PTPRG: variants seen among roughly 807,000 people sequenced by gnomAD.
PTPRG encodes protein tyrosine phosphatase receptor type G.
In PTPRG, 102 loss-of-function variants were observed where a neutral mutation model predicts 165.3. That is an observed-to-expected ratio of 0.62 (90% CI 0.53 to 0.73). The LOEUF (loss-of-function observed/expected upper bound fraction) is 0.73, where lower values mean the gene tolerates loss of function less well. PTPRG is among the 30% of genes least tolerant of loss of function. PTPRG has a pLI of 0.00. For synonymous variants in PTPRG, 675 were observed against 669.5 expected (o/e 1.01, Z -0.13); for missense variants, 1,866 against 1,861.4 (o/e 1.00, Z -0.05).
intron 2 of PTPRG, among the ~76,000 whole-genome samples, chr3:61,789,741 A>G (rs1444870019): frequency 1.3e-5 from 2 of 152,204 alleles, no homozygotes; most frequent in Non-Finnish European, 2.9e-5. Flanking sequence ...GTGTTTGTAT[A>G]TGGTAATGGA....
chr3:61,884,227 C>G (rs1463815170), intron 2 of PTPRG, among the ~76,000 whole-genome samples: 2 of 152,086 alleles, frequency 1.3e-5, no homozygotes, highest in African/African-American at 4.8e-5. Flanking sequence ...TTATGTTACT[C>G]CAATCAAATG....
intron 5 of PTPRG, among the ~76,000 whole-genome samples, chr3:62,080,419 T>A (rs1188638596): frequency 2.0e-5 from 3 of 152,094 alleles, no homozygotes; most frequent in Non-Finnish European, 4.4e-5. Flanking sequence ...TTGGTAGAAC[T>A]GGGACCACAC....
At chr3:61,678,742 CTTA>C (rs959847749) in intron 1 of PTPRG, among the ~76,000 whole-genome samples, 5 of 152,266 alleles carry the variant, frequency 3.3e-5, no homozygotes, top group African/African-American at 1.2e-4. Context: ...CATTTTGATA[CTTA>C]TTATACAAAT....
At chr3:61,960,682 G>C (rs1307546466) in intron 2 of PTPRG, among the ~76,000 whole-genome samples, 3 of 152,014 alleles carry the variant, frequency 2.0e-5, no homozygotes, top group African/African-American at 7.2e-5. Flanking sequence ...AGTAGGTTAG[G>C]CAATTTTGTC....
At chr3:61,945,829 ACT>A (rs1275039358) in intron 2 of PTPRG, among the ~76,000 whole-genome samples, 2 of 152,148 alleles carry the variant, frequency 1.3e-5, no homozygotes, top group Non-Finnish European at 1.5e-5. Context: ...ACTGACAGTG[ACT>A]CTGAGAGGAG....
chr3:61,908,660 G>T (rs2107535408), intron 2 of PTPRG, among the ~76,000 whole-genome samples: 1 of 152,256 alleles, frequency 6.6e-6, no homozygotes, highest in South Asian at 2.1e-4. Flanking sequence ...CAGATAGAAA[G>T]AAAGCAAACA....
chr3:62,081,268 ACAAAC>A lies in PTPRG; in HGVS notation c.615+3011_615+3015del, dbSNP rs1559785996. The stretch of plus-strand genomic sequence containing the variant: ...TGAGACTCCGTCTCAAAACAAACAA[ACAAAC>A]AAACAAACAAACAAACAAACAAAAA... On this transcript the variant is annotated intron_variant, in intron 5 of 29. Transcript: ENST00000474889. Among the ~76,000 whole-genome samples the A allele has an allele frequency of 7.3e-5, 7 of 95,772 alleles. 2 individuals carry two copies. The highest frequency in any genetic ancestry group is 2.3e-4 in the African/African-American group (7 of 30,016). 62.8% of individuals were successfully genotyped at this position (95,772 alleles called of 152,430 possible).
chr3:62,226,545 T>G (rs1700767967), intron 13 of PTPRG, among the ~76,000 whole-genome samples: 1 of 152,266 alleles, frequency 6.6e-6, no homozygotes, highest in Admixed American at 6.5e-5. Context: ...GCTAGTTTTC[T>G]TGATATTAAA....
intron 1 of PTPRG, among the ~76,000 whole-genome samples, chr3:61,672,764 AGAGGGAGAGGGAGAGAGG>A (rs1703071969): frequency 8.4e-6 from 1 of 119,192 alleles, no homozygotes. Context: ...GAGAGGGAGA[AGAGGGAGAGGGAGAGAGG>A]GAGAGAGAGG....
chr3:62,249,708 C>A (rs1410047654), intron 15 of PTPRG, among the ~76,000 whole-genome samples: 1 of 152,164 alleles, frequency 6.6e-6, no homozygotes, highest in Non-Finnish European at 1.5e-5. Flanking sequence ...AGGTAAATGC[C>A]ATTAACAATT....
At chr3:61,853,329 C>T (rs2037018102) in intron 2 of PTPRG, among the ~76,000 whole-genome samples, 1 of 152,150 alleles carries the variant, frequency 6.6e-6, no homozygotes, top group South Asian at 2.1e-4. Flanking sequence ...TTGACGATGG[C>T]AGAGGTGACA....
intron 2 of PTPRG, among the ~76,000 whole-genome samples, chr3:61,942,208 T>C (rs1436068225): frequency 6.6e-6 from 1 of 151,626 alleles, no homozygotes; most frequent in Non-Finnish European, 1.5e-5. Context: ...AAACAGAAAT[T>C]GGCCATGGCC....
rs1358072568 is a variant in PTPRG, at chr3:61,934,095, GT to G, written c.191-55527del. On this transcript the variant is annotated intron_variant, in intron 2 of 29. Coordinates refer to ENST00000474889, the MANE Select transcript of PTPRG (RefSeq NM_002841.4). The stretch of plus-strand genomic sequence containing the variant: ...GGACATTTAGCTTGTTCTACAGGGT[GT>G]TTAGACTTTCAGTGGTGTGGGGATG... Among the ~76,000 whole-genome samples the G allele has an allele frequency of 2.0e-5, 3 of 152,324 alleles. No individual in the cohort carries two copies. The East Asian group carries it at 5.8e-4, about 29-fold the overall frequency.
rs141325345 is a variant in PTPRG, at chr3:61,702,167, C to T, written c.86-46711C>T. 1.0e-3 allele frequency among the ~76,000 whole-genome samples: 155 copies of T among 151,226 alleles called. 1 individual carries two copies. Among genetic ancestry groups the T allele is most frequent in the African/African-American group, 3.7e-3 (150 of 40,742 alleles). ...ATAATGTTTGTATTTTTAGGAGAGACAGGGTTTTGCCATGTTGGCCAGGCT... is the reference window on the plus strand; with the variant it reads ...ATAATGTTTGTATTTTTAGGAGAGATAGGGTTTTGCCATGTTGGCCAGGCT... On this transcript the variant is annotated intron_variant, in intron 1 of 29. Coordinates refer to ENST00000474889, the MANE Select transcript of PTPRG (RefSeq NM_002841.4).
At chr3:61,617,555 T>C (rs1701330963) in intron 1 of PTPRG, among the ~76,000 whole-genome samples, 1 of 152,230 alleles carries the variant, frequency 6.6e-6, no homozygotes, top group African/African-American at 2.4e-5. Context: ...TGATTAGCTA[T>C]ATAAAACCAA....
At chr3:61,566,383 C>G (rs1435285838) in intron 1 of PTPRG, among the ~76,000 whole-genome samples, 1 of 152,266 alleles carries the variant, frequency 6.6e-6, no homozygotes, top group Non-Finnish European at 1.5e-5. Context: ...AGAGTAGAAT[C>G]AGTTATACAC....
chr3:61,794,717 T>C lies in PTPRG; in HGVS notation c.190+45735T>C, dbSNP rs568977420. On this transcript the variant is annotated intron_variant, in intron 2 of 29. Transcript: ENST00000474889. The stretch of plus-strand genomic sequence containing the variant: ...TTGTGTATTCTGAAAAATGAGTAAA[T>C]TCATCAGGTTATAATGAAGATTTTC... Among the ~76,000 whole-genome samples, 5 of 152,332 alleles carry C rather than the reference T, an allele frequency of 3.3e-5. No homozygotes were observed. The East Asian group carries it at 9.6e-4, about 29-fold the overall frequency.
At chr3:61,640,850 C>A (rs2106952220) in intron 1 of PTPRG, among the ~76,000 whole-genome samples, 1 of 152,292 alleles carries the variant, frequency 6.6e-6, no homozygotes, top group African/African-American at 2.4e-5. Context: ...GAGTACAGGG[C>A]CACAGCCTTT....
At chr3:61,616,523 G>A (rs937756087) in intron 1 of PTPRG, among the ~76,000 whole-genome samples, 1 of 152,150 alleles carries the variant, frequency 6.6e-6, no homozygotes, top group Non-Finnish European at 1.5e-5. Flanking sequence ...ATCCCACTGT[G>A]TGTTGGAATA....
Sources: allele counts gnomAD v4.1 joint callset (sites outside exome capture counted in the v4.1 genomes callset), GRCh38; gene constraint gnomAD v4.1.1; transcripts MANE v1.5; gene names NCBI Gene and HGNC (gene_info 2026-07-23, HGNC 2026-07-21).